The following ACAP2 variants were observed in gnomAD, a reference collection of about 807,000 sequenced individuals.
The protein encoded by ACAP2 is ArfGAP with coiled-coil, ankyrin repeat and PH domains 2.
In ACAP2, 39 loss-of-function variants were observed where a neutral mutation model predicts 115.8. The observed-to-expected ratio is 0.34, with a 90% confidence interval of 0.26 to 0.44. ACAP2 has a LOEUF of 0.44. Ranked by LOEUF, ACAP2 falls within the 20% of genes least tolerant of loss-of-function variation. The pLI, the probability that ACAP2 is intolerant of heterozygous loss-of-function variation, is 1.00. For synonymous variants in ACAP2, 289 were observed against 315.8 expected (o/e 0.92, Z 0.90); for missense variants, 662 against 927.6 (o/e 0.71, Z 3.72).
Position 195,291,697 on chromosome 3 carries a change from T to G in ACAP2, c.2063+9A>C, listed in dbSNP as rs781722096. On this transcript the variant is annotated intron_variant, in intron 20 of 22. Coordinates refer to ENST00000326793, the MANE Select transcript of ACAP2 (RefSeq NM_012287.6). Reference sequence around the variant, plus strand: ...AAAGTCTCCTTAAATATGAAAGCACTGCAGTTACCCTGTGTGCCCTAAGAC... The same window carrying G: ...AAAGTCTCCTTAAATATGAAAGCACGGCAGTTACCCTGTGTGCCCTAAGAC... The G allele has an allele frequency of 1.1e-5, 17 of 1,592,780 alleles. No individual in the cohort carries two copies. In the Admixed American group the frequency reaches 2.2e-4, roughly 21 times the overall value.
Position 195,295,902 on chromosome 3 carries a change from A to C in ACAP2, c.1488-10T>G. On this transcript the variant is annotated splice_polypyrimidine_tract_variant and intron_variant, in intron 16 of 22. Transcript: ENST00000326793. ...TGCCTCCTTCTCCTGTCTGACAGACATAAAAATGTCATGATGTTTTGCTTA... is the reference window on the plus strand; with the variant it reads ...TGCCTCCTTCTCCTGTCTGACAGACCTAAAAATGTCATGATGTTTTGCTTA... The C allele has an allele frequency of 6.3e-7, 1 of 1,599,350 alleles. No individual in the cohort carries two copies.
chr3:195,364,279 A>G (rs1732564670), intron 4 of ACAP2, among the ~76,000 whole-genome samples: 1 of 152,228 alleles, frequency 6.6e-6, no homozygotes, highest in South Asian at 2.1e-4. Flanking sequence ...AAATGGGCAA[A>G]ATATCTGAAT....
chr3:195,333,879 A>T (rs1577316479), intron 7 of ACAP2, among the ~76,000 whole-genome samples: 2 of 152,222 alleles, frequency 1.3e-5, no homozygotes, highest in East Asian at 3.8e-4. Context: ...CTAAAGTAGG[A>T]GAACGCTGGG....
rs532867055 is a variant in ACAP2 at position 195,293,977 on chromosome 3, C to CA, written c.1765+741dup. Among the ~76,000 whole-genome samples, 687 of 137,644 alleles carry CA rather than the reference C, an allele frequency of 5.0e-3. 17 individuals carry two copies. Among genetic ancestry groups the CA allele is most frequent in the South Asian group, 0.042 (185 of 4,382 alleles). The allele number at this position is 137,644 out of a possible 152,430, so 90.3% of individuals were successfully genotyped here. A position where few individuals can be genotyped will look rare whatever the true frequency, so the allele number is the denominator to read the frequency against. On this transcript the variant is annotated intron_variant, in intron 18 of 22. Coordinates refer to ENST00000326793, the MANE Select transcript of ACAP2 (RefSeq NM_012287.6). ...TGAAACCCCACCTCTACTAAAAATA[C>CA]AAAAAAAAAAAATTAGCCAGGCATG...
intron 10 of ACAP2, among the ~76,000 whole-genome samples, chr3:195,309,229 A>G (rs1233565072): frequency 1.3e-5 from 2 of 152,166 alleles, no homozygotes; most frequent in Non-Finnish European, 2.9e-5. Context: ...GTTGGCATAA[A>G]TGTATATCGT....
At chr3:195,424,274 T>TAC (rs1358658722) in intron 1 of ACAP2, among the ~76,000 whole-genome samples, 1 of 56,136 alleles carries the variant, frequency 1.8e-5, no homozygotes, top group Non-Finnish European at 3.5e-5. Context: ...TATATATATA[T>TAC]ATATATATAT....
At chr3:195,344,815 C>T (rs1482103638) in intron 5 of ACAP2, among the ~76,000 whole-genome samples, 5 of 152,062 alleles carry the variant, frequency 3.3e-5, no homozygotes, top group African/African-American at 1.2e-4. Context: ...CACTGCGCCC[C>T]GGCCCAAAAA....
intron 4 of ACAP2, among the ~76,000 whole-genome samples, chr3:195,351,145 T>A (rs1160833942): frequency 2.7e-5 from 3 of 113,154 alleles, no homozygotes; most frequent in Non-Finnish European, 3.6e-5. Flanking sequence ...GGGGACAGGG[T>A]CTTGCTCTGT....
intron 11 of ACAP2, among the ~76,000 whole-genome samples, chr3:195,307,533 G>T (rs371277635): frequency 1.1e-4 from 16 of 152,268 alleles, no homozygotes; most frequent in African/African-American, 3.8e-4. Flanking sequence ...GAGATTAAAT[G>T]AAATTGTTTA....
intron 5 of ACAP2, among the ~76,000 whole-genome samples, chr3:195,343,162 A>C (rs1170719592): frequency 6.6e-6 from 1 of 152,210 alleles, no homozygotes; most frequent in Non-Finnish European, 1.5e-5. Flanking sequence ...CATTATTTAA[A>C]TCTACATAAC....
intron 1 of ACAP2, among the ~76,000 whole-genome samples, chr3:195,427,672 G>A (rs1714787626): frequency 6.6e-6 from 1 of 152,082 alleles, no homozygotes; most frequent in Admixed American, 6.6e-5. Flanking sequence ...CACTTTGAGA[G>A]GCTGAGGCAG....
At chr3:195,425,703 C>A (rs1160650025) in intron 1 of ACAP2, among the ~76,000 whole-genome samples, 1 of 152,064 alleles carries the variant, frequency 6.6e-6, no homozygotes, top group Non-Finnish European at 1.5e-5. Context: ...CCAAAAAAAA[C>A]CTATTCTTCC....
intron 10 of ACAP2, among the ~76,000 whole-genome samples, chr3:195,318,468 A>G (rs939982597): frequency 1.6e-4 from 24 of 152,244 alleles, no homozygotes; most frequent in African/African-American, 5.5e-4. Context: ...AATGTAGTCC[A>G]GGCTGAGGTG....
chr3:195,331,978 C>T (rs2067461928), intron 8 of ACAP2, among the ~76,000 whole-genome samples: 1 of 151,396 alleles, frequency 6.6e-6, no homozygotes, highest in South Asian at 2.1e-4. Flanking sequence ...ACTAAAAATA[C>T]AAAAAATCAG....
chr3:195,303,162 G>A (rs940754699), intron 13 of ACAP2, among the ~76,000 whole-genome samples: 2 of 152,194 alleles, frequency 1.3e-5, no homozygotes, highest in African/African-American at 4.8e-5. Context: ...GTTGCAGTGA[G>A]CCAAGATCAT....
At chr3:195,280,728 C>A (rs1269754417) in intron 22 of ACAP2, 1 of 152,112 alleles carries the variant, frequency 6.6e-6, no homozygotes, top group East Asian at 1.9e-4. Context: ...TATACACACA[C>A]ATACAGATCA....
intron 9 of ACAP2, among the ~76,000 whole-genome samples, chr3:195,323,098 G>C (rs1729554763): frequency 6.6e-6 from 1 of 152,150 alleles, no homozygotes; most frequent in Admixed American, 6.5e-5. Context: ...TTGGTGTGAG[G>C]TCCAGGGAAC....
At chr3:195,394,260 G>A (rs1485084689) in intron 1 of ACAP2, among the ~76,000 whole-genome samples, 2 of 152,062 alleles carry the variant, frequency 1.3e-5, no homozygotes, top group African/African-American at 4.8e-5. Context: ...GTACAGACAC[G>A]CAAACAAAAT....
intron 8 of ACAP2, among the ~76,000 whole-genome samples, chr3:195,328,389 A>G (rs1729942371): frequency 6.6e-6 from 1 of 152,234 alleles, no homozygotes; most frequent in African/African-American, 2.4e-5. Flanking sequence ...CTAGTCACAG[A>G]TAATATTACT....
Sources: gnomAD v4.1 joint callset for allele counts (sites outside exome capture counted in the v4.1 genomes callset) on GRCh38, gnomAD v4.1.1 for gene constraint, MANE v1.5 for transcripts, NCBI Gene and HGNC (gene_info 2026-07-23, HGNC 2026-07-21) for gene names.